Variants in ARMH3 observed in about 807,000 individuals in gnomAD.
The protein encoded by ARMH3 is armadillo like helical domain containing 3.
ARMH3 carries 60 observed loss-of-function variants against 99.1 expected under a neutral mutation model. The observed-to-expected ratio is 0.61, with a 90% confidence interval of 0.49 to 0.75. The LOEUF (loss-of-function observed/expected upper bound fraction) is 0.75. Ranked by LOEUF, ARMH3 falls within the 30% of genes least tolerant of loss-of-function variation. The pLI is 0.00. For missense variants in ARMH3, 679 were observed against 843.1 expected, an observed-to-expected ratio of 0.81 and a Z score of 2.41; for synonymous variants, 285 against 292.8, an observed-to-expected ratio of 0.97 and a Z score of 0.27.
chr10:101,886,618 C>T (rs1204886232), intron 24 of ARMH3, among the ~76,000 whole-genome samples: 3 of 152,136 alleles, frequency 2.0e-5, no homozygotes, highest in African/African-American at 7.2e-5. Flanking sequence ...AAAAAAATGT[C>T]ATTTACCTTC....
intron 24 of ARMH3, among the ~76,000 whole-genome samples, chr10:101,862,521 G>A (rs901970456): frequency 3.3e-5 from 5 of 152,268 alleles, no homozygotes; most frequent in Admixed American, 2.6e-4. Flanking sequence ...AGGTTGTAGT[G>A]AGCCAAGATC....
intron 1 of ARMH3, among the ~76,000 whole-genome samples, chr10:102,053,268 T>C (rs1352266773): frequency 6.6e-6 from 1 of 151,456 alleles, no homozygotes; most frequent in Non-Finnish European, 1.5e-5. Context: ...ACTCCCCACT[T>C]TCTTTTCAGT....
At chr10:101,942,669 C>T (rs1302528881) in intron 22 of ARMH3, among the ~76,000 whole-genome samples, 1 of 152,094 alleles carries the variant, frequency 6.6e-6, no homozygotes, top group African/African-American at 2.4e-5. Context: ...CAAGACCAGC[C>T]TAGCCAACAT....
intron 23 of ARMH3, among the ~76,000 whole-genome samples, chr10:101,896,406 T>C (rs570350244): frequency 7.1e-4 from 108 of 152,206 alleles, no homozygotes; most frequent in Non-Finnish European, 1.2e-3. Context: ...CATGGTTGCT[T>C]AGGGCTACAA....
intron 8 of ARMH3, among the ~76,000 whole-genome samples, chr10:102,017,944 C>T (rs147415763): frequency 6.6e-6 from 1 of 152,110 alleles, no homozygotes. Flanking sequence ...TTCAACCCGG[C>T]CAAATAAAGC....
At chr10:102,011,696 A>T (rs748076787) in intron 11 of ARMH3, 27 bp downstream of exon 11, 1 of 1,570,352 alleles carries the variant, frequency 6.4e-7, no homozygotes. Flanking sequence ...TGTTTTTTTC[A>T]GGAGAAAAAA....
chr10:101,860,402 T>C (rs1589918155), intron 24 of ARMH3, among the ~76,000 whole-genome samples: 1 of 152,172 alleles, frequency 6.6e-6, no homozygotes, highest in South Asian at 2.1e-4. Context: ...AACTGAGAAC[T>C]GGGAAACAAT....
At chr10:101,988,879 T>C (rs138616846) in intron 19 of ARMH3, among the ~76,000 whole-genome samples, 3,434 of 138,360 alleles carry the variant, frequency 0.025, 62 homozygotes, top group Middle Eastern at 0.047. Context: ...GCTGAGATCA[T>C]GCCACTGCAC....
chr10:102,055,029 A>C (rs71471230), intron 1 of ARMH3, among the ~76,000 whole-genome samples: 2 of 89,406 alleles, frequency 2.2e-5, no homozygotes, highest in African/African-American at 8.5e-5. Flanking sequence ...ACAAACAAAC[A>C]AAAAAAAAAA....
chr10:102,053,156 T>G (rs184998934), intron 1 of ARMH3, among the ~76,000 whole-genome samples: 2 of 149,222 alleles, frequency 1.3e-5, no homozygotes, highest in East Asian at 3.9e-4. Context: ...GCCTCATTCT[T>G]CATTACTTTA....
At position 101,958,322 on chromosome 10, in the gene ARMH3, GACA is replaced by G. The variant is rs1490915028; in HGVS notation, c.1496-593_1496-591del. Among the ~76,000 whole-genome samples the G allele has an allele frequency of 9.2e-5, 14 of 152,302 alleles. No individual in the cohort carries two copies. In the East Asian group the frequency reaches 1.5e-3, roughly 17 times the overall value. The stretch of plus-strand genomic sequence containing the variant: ...GCTTGCGCTGACCTCTCGTTACAGT[GACA>G]ACATTTATTGAAATCTCTTTCTGCC... On this transcript the variant is annotated intron_variant, in intron 20 of 25. Coordinates refer to ENST00000370033, the MANE Select transcript of ARMH3 (RefSeq NM_024541.3).
intron 23 of ARMH3, among the ~76,000 whole-genome samples, chr10:101,905,671 A>C (rs1355765633): frequency 6.6e-6 from 1 of 152,190 alleles, no homozygotes; most frequent in Non-Finnish European, 1.5e-5. Flanking sequence ...GTGACAACAA[A>C]TAAGGCTAGA....
At chr10:101,963,143 A>AGT (rs1327367692) in intron 20 of ARMH3, among the ~76,000 whole-genome samples, 1 of 112,238 alleles carries the variant, frequency 8.9e-6, no homozygotes, top group Admixed American at 9.0e-5. Flanking sequence ...ATAATTTTGC[A>AGT]TTTTTTTTTT....
intron 20 of ARMH3, among the ~76,000 whole-genome samples, chr10:101,959,925 C>T (rs1362234378): frequency 6.6e-6 from 1 of 152,188 alleles, no homozygotes; most frequent in East Asian, 1.9e-4. Context: ...CGCCTGTAAT[C>T]CTAGCACTTT....
chr10:101,942,760 G>C (rs1008295352), intron 22 of ARMH3, among the ~76,000 whole-genome samples: 56 of 152,054 alleles, frequency 3.7e-4, no homozygotes, highest in Admixed American at 1.3e-4. Flanking sequence ...CAACTACTCA[G>C]GAGGCTGAGG....
chr10:101,885,541 A>G (rs1317546585), intron 24 of ARMH3, among the ~76,000 whole-genome samples: 1 of 152,210 alleles, frequency 6.6e-6, no homozygotes, highest in Non-Finnish European at 1.5e-5. Flanking sequence ...AAGTCCAAAT[A>G]CTGTATGATT....
intron 5 of ARMH3, among the ~76,000 whole-genome samples, chr10:102,026,032 C>CT (rs1049361609): frequency 1.3e-5 from 2 of 152,202 alleles, no homozygotes; most frequent in African/African-American, 4.8e-5. Flanking sequence ...CAGGCTATCA[C>CT]TAGCCATATA....
intron 25 of ARMH3, among the ~76,000 whole-genome samples, chr10:101,849,091 A>C (rs1189600066): frequency 2.6e-5 from 4 of 152,202 alleles, no homozygotes; most frequent in Non-Finnish European, 5.9e-5. Flanking sequence ...GGGAGGTCTA[A>C]GGACAGGGGA....
At chr10:101,917,075 T>C (rs1477331155) in intron 23 of ARMH3, among the ~76,000 whole-genome samples, 3 of 152,220 alleles carry the variant, frequency 2.0e-5, no homozygotes, top group East Asian at 3.8e-4. Flanking sequence ...CTAATTCCCA[T>C]AGCCTATTTC....
Sources: gnomAD v4.1 joint callset for allele counts (sites outside exome capture counted in the v4.1 genomes callset) on GRCh38, gnomAD v4.1.1 for gene constraint, MANE v1.5 for transcripts, NCBI Gene and HGNC (gene_info 2026-07-23, HGNC 2026-07-21) for gene names.